MROH7: variants seen among roughly 807,000 people sequenced by gnomAD.
MROH7 encodes maestro heat-like repeat-containing protein family member 7.
A neutral mutation model predicts 129.2 loss-of-function variants in MROH7; 113 were observed. The ratio of observed to expected loss-of-function variants is 0.87; its 90% CI spans 0.75 to 1.02. MROH7 has a LOEUF of 1.02. Among genes scored for constraint, MROH7 ranks in the 50% least tolerant of loss-of-function variants. MROH7 has a pLI of 0.00. For synonymous variants in MROH7, 655 were observed against 667.9 expected (o/e 0.98, Z 0.30); for missense variants, 1,601 against 1,671.3 (o/e 0.96, Z 0.73).
intron 22 of MROH7, among the ~76,000 whole-genome samples, chr1:54,708,780 C>G (rs1289688303): frequency 6.6e-6 from 1 of 152,220 alleles, no homozygotes; most frequent in Admixed American, 6.5e-5. Flanking sequence ...TCAGGGTCAG[C>G]TGCAGCCCAG....
chr1:54,697,862 G>T, intron 17 of MROH7: 1 of 533,416 alleles, frequency 1.9e-6, no homozygotes, highest in Non-Finnish European at 3.4e-6. Flanking sequence ...GGTGGATCTT[G>T]CCAGACCTTA....
intron 14 of MROH7, among the ~76,000 whole-genome samples, chr1:54,684,738 T>C (rs1322659706): frequency 6.6e-6 from 1 of 152,224 alleles, no homozygotes; most frequent in African/African-American, 2.4e-5. Context: ...CCTCACTATA[T>C]AACCGTGGTC....
chr1:54,668,632 C>T (rs566753339), intron 4 of MROH7, among the ~76,000 whole-genome samples: 6 of 152,284 alleles, frequency 3.9e-5, no homozygotes, highest in African/African-American at 1.2e-4. Flanking sequence ...ATATCTGGTC[C>T]TCTTCCAAAT....
At chr1:54,651,264 G>A (rs1353096347) in intron 1 of MROH7, 3 of 152,312 alleles carry the variant, frequency 2.0e-5, no homozygotes, top group African/African-American at 7.2e-5. Context: ...CAAGGCAGAT[G>A]CAGTTTCTGC....
Position 54,682,737 on chromosome 1 carries a change from C to T in MROH7, c.2463C>T (p.Gly821=). 6.2e-7 allele frequency: 1 copy of T among 1,614,110 alleles called. No homozygotes were observed. Among genetic ancestry groups the T allele is most frequent in the Non-Finnish European group, 8.5e-7 (1 of 1,180,022 alleles). The change falls in exon 14 of 24, where the codon GGC becomes GGT. Residue 821 remains glycine, a synonymous_variant. Transcript: ENST00000421030. ...DVRDLLDLLL[G]SLKEKPVTKE... ...GAGACCTCCTGGATCTGCTCCTGGG[C>T]AGCCTGAAGGAGAAGCCCGTCACCA... is the stretch of plus-strand genomic sequence containing the variant.
At chr1:54,649,835 ATG>A in intron 1 of MROH7, among the ~76,000 whole-genome samples, 1 of 152,252 alleles carries the variant, frequency 6.6e-6, no homozygotes, top group Non-Finnish European at 1.5e-5. Context: ...AATTATGGAC[ATG>A]AAATTAAGTA....
chr1:54,673,093 T>A lies in MROH7; in HGVS notation c.1602T>A (p.Ala534=). 6.2e-7 allele frequency: 1 copy of A among 1,613,286 alleles called. No individual in the cohort carries two copies. The highest frequency in any genetic ancestry group is 8.5e-7 in the Non-Finnish European group (1 of 1,179,410). ...CTTGGTCCTCCTCCCATCCACAGGCTCTTTACCATCAGACCCTGGAGGCCC... is the reference window on the plus strand; with the variant it reads ...CTTGGTCCTCCTCCCATCCACAGGCACTTTACCATCAGACCCTGGAGGCCC... ...KDEAKAETIQ[A]LYHQTLEALQ... Residue 534 remains alanine, a splice_region_variant and synonymous_variant, in exon 8 of 24, where the codon GCT becomes GCA. Coordinates refer to ENST00000421030, the MANE Select transcript of MROH7 (RefSeq NM_001039464.4).
chr1:54,689,495 C>G (rs1489540854), intron 15 of MROH7, among the ~76,000 whole-genome samples: 1 of 152,162 alleles, frequency 6.6e-6, no homozygotes, highest in Non-Finnish European at 1.5e-5. Context: ...TGTCCGTGCT[C>G]CAGACTGCAG....
intron 3 of MROH7, among the ~76,000 whole-genome samples, chr1:54,660,759 G>A (rs969104034): frequency 6.6e-6 from 1 of 152,018 alleles, no homozygotes; most frequent in Admixed American, 6.6e-5. Context: ...AGGTTGCGGT[G>A]AGCTGAGATT....
rs751441990 is a variant in MROH7, at chr1:54,695,467, A to G, written c.2941A>G (p.Thr981Ala). The G allele has an allele frequency of 6.2e-7, 1 of 1,613,620 alleles. No homozygotes were observed. The highest frequency in any genetic ancestry group is 8.5e-7 in the Non-Finnish European group (1 of 1,179,820). ...GCGAGGCGACGAGAAGCACAGGATC[A>G]CGGCCACCGCCTTCTTCGTGGAGGT... ...LERGDEKHRI[T>A]ATAFFVELLQ... The change falls in exon 17 of 24, where the codon ACG becomes GCG. Residue 981 changes from threonine (T) to alanine (A), a missense_variant. Transcript: ENST00000421030.
chr1:54,676,228 A>G (rs182114526), intron 10 of MROH7, among the ~76,000 whole-genome samples: 34 of 152,218 alleles, frequency 2.2e-4, no homozygotes, highest in African/African-American at 7.9e-4. Context: ...GCAGGCAAGA[A>G]CCATACTCTT....
At chr1:54,645,629 A>ATTTC (rs1644452800) in intron 1 of MROH7, among the ~76,000 whole-genome samples, 1 of 128,980 alleles carries the variant, frequency 7.8e-6, no homozygotes, top group Admixed American at 8.0e-5. Context: ...CTCCAATGAT[A>ATTTC]TTTCTTTTCT....
chr1:54,669,871 G>A (rs1027838391), intron 5 of MROH7, among the ~76,000 whole-genome samples: 5 of 152,054 alleles, frequency 3.3e-5, no homozygotes, highest in Admixed American at 2.6e-4. Context: ...GGACATGGTG[G>A]CACGTGTCTG....
rs767653695 is a variant in MROH7, at chr1:54,700,334, A to T, written c.2978A>T (p.Glu993Val). ...TTGCTCCCTCAGCTCCTCCAGATGG[A>T]GCAGGTGCGCCGGATCCCCGAGGAA... is the stretch of plus-strand genomic sequence containing the variant. ...TAFFVELLQM[E>V]QVRRIPEEYS... The change falls in exon 18 of 24, where the codon GAG (glutamate) becomes GTG (valine). Residue 993 changes from glutamate to valine, a missense_variant. Transcript: ENST00000421030. 1 of 1,614,076 alleles carries T rather than the reference A, an allele frequency of 6.2e-7. No individual in the cohort carries two copies. Among genetic ancestry groups the T allele is most frequent in the East Asian group, 2.2e-5 (1 of 44,874 alleles).
rs566542688 is a variant in MROH7, at chr1:54,670,853, G to A, written c.1523G>A (p.Cys508Tyr). Reference sequence around the variant, plus strand: ...GAGAGGTCGGAGCTGGTGAACGTGTGTGTGCACAGCGTGTTCTCCCTGCCC... The same window carrying A: ...GAGAGGTCGGAGCTGGTGAACGTGTATGTGCACAGCGTGTTCTCCCTGCCC... ...MRERSELVNV[C>Y]VHSVFSLPSV... The change falls in exon 7 of 24, where the codon TGT becomes TAT. Residue 508 changes from cysteine to tyrosine, a missense_variant. Cys to Tyr is a radical substitution (Grantham distance 194, BLOSUM62 -2). Coordinates refer to ENST00000421030, the MANE Select transcript of MROH7 (RefSeq NM_001039464.4). 2 of 1,613,984 alleles carry A rather than the reference G, an allele frequency of 1.2e-6. No homozygotes were observed. The highest frequency in any genetic ancestry group is 2.7e-5 in the African/African-American group (2 of 75,050).
intron 3 of MROH7, among the ~76,000 whole-genome samples, chr1:54,657,592 G>A (rs572071457): frequency 6.6e-6 from 1 of 152,062 alleles, no homozygotes; most frequent in Non-Finnish European, 1.5e-5. Context: ...GCCCAGGCTG[G>A]TCTTGAACTC....
intron 14 of MROH7, among the ~76,000 whole-genome samples, chr1:54,683,672 C>T (rs1645105174): frequency 6.6e-6 from 1 of 152,218 alleles, no homozygotes; most frequent in South Asian, 2.1e-4. Context: ...CCCCACGCTC[C>T]ATGGTCCTCC....
chr1:54,695,799 T>A (rs1645313232), intron 17 of MROH7: 10 of 394,814 alleles, frequency 2.5e-5, no homozygotes, highest in South Asian at 2.1e-4. Context: ...CCTCAAGGAA[T>A]TTTTGGTGTG....
chr1:54,709,180 G>C (rs1401874539), intron 23 of MROH7, 104 bp downstream of exon 23: 2 of 1,103,324 alleles, frequency 1.8e-6, no homozygotes, highest in African/African-American at 3.1e-5. Context: ...CAAGACAAGG[G>C]TCTTCAACTC....
Sources: allele counts gnomAD v4.1 joint callset (sites outside exome capture counted in the v4.1 genomes callset), GRCh38; gene constraint gnomAD v4.1.1; transcripts MANE v1.5; gene names NCBI Gene and HGNC (gene_info 2026-07-23, HGNC 2026-07-21).